Variants in PDE11A observed in about 807,000 individuals in gnomAD.
The protein encoded by PDE11A is phosphodiesterase 11A.
Under a neutral mutation model 100.5 loss-of-function variants are expected in PDE11A, and 100 were observed. The ratio of observed to expected loss-of-function variants is 1.00; its 90% confidence interval spans 0.85 to 1.18. PDE11A has a LOEUF of 1.18. PDE11A is among the 50% of genes most tolerant of loss of function. PDE11A has a pLI of 0.00. For synonymous variants in PDE11A, 381 were observed against 420.8 expected, an observed-to-expected ratio of 0.91 and a Z score of 1.16; for missense variants, 1,141 against 1,152.6, an observed-to-expected ratio of 0.99 and a Z score of 0.15.
intron 10 of PDE11A, among the ~76,000 whole-genome samples, chr2:177,756,185 G>C (rs759006274): frequency 6.6e-5 from 10 of 152,102 alleles, no homozygotes; most frequent in Non-Finnish European, 1.3e-4. Context: ...GGTCAGACAG[G>C]GCCACTGCTA....
intron 9 of PDE11A, among the ~76,000 whole-genome samples, chr2:177,780,150 G>T (rs1248671038): frequency 6.6e-6 from 1 of 152,120 alleles, no homozygotes; most frequent in East Asian, 1.9e-4. Context: ...TCAATGGGAG[G>T]CCTAAAACAT....
Position 177,840,241 on chromosome 2 carries a change from C to G in PDE11A, c.1500+10G>C. 6.2e-7 allele frequency: 1 copy of G among 1,613,830 alleles called. No individual in the cohort carries two copies. The highest frequency in any genetic ancestry group is 1.7e-5 in the Admixed American group (1 of 60,030). ...AAACTTAGGATTGCAACCAGAGGGG[C>G]TCCTCTTACCTCTGCATCAAAGCGC... On this transcript the variant is annotated intron_variant, in intron 6 of 19. Coordinates refer to ENST00000286063, the MANE Select transcript of PDE11A (RefSeq NM_016953.4).
intron 13 of PDE11A, among the ~76,000 whole-genome samples, chr2:177,709,837 G>A (rs1390689335): frequency 6.6e-6 from 1 of 152,134 alleles, no homozygotes; most frequent in African/African-American, 2.4e-5. Flanking sequence ...ACAACGAAAA[G>A]GTCCGACAGC....
chr2:177,825,443 C>T (rs2083213269), intron 6 of PDE11A, among the ~76,000 whole-genome samples: 2 of 152,106 alleles, frequency 1.3e-5, no homozygotes, highest in African/African-American at 4.8e-5. Flanking sequence ...GTGAATTTTT[C>T]CATTTTAAAA....
intron 9 of PDE11A, among the ~76,000 whole-genome samples, chr2:177,801,136 CAG>C (rs2082787604): frequency 6.6e-6 from 1 of 152,132 alleles, no homozygotes; most frequent in Non-Finnish European, 1.5e-5. Context: ...ATAAAACAAA[CAG>C]AAGAATGAGT....
At chr2:178,011,753 G>A (rs2086276624) in intron 2 of PDE11A, among the ~76,000 whole-genome samples, 1 of 152,066 alleles carries the variant, frequency 6.6e-6, no homozygotes, top group South Asian at 2.1e-4. Context: ...TCTTTCCCCG[G>A]ATTCTCTCAT....
chr2:177,631,316 A>T (rs1263316688), intron 19 of PDE11A, among the ~76,000 whole-genome samples: 1 of 45,860 alleles, frequency 2.2e-5, no homozygotes. Flanking sequence ...AAAAACAAAA[A>T]AAAAAACAAC....
At chr2:178,059,618 G>A (rs1430519050) in intron 1 of PDE11A, among the ~76,000 whole-genome samples, 1 of 152,110 alleles carries the variant, frequency 6.6e-6, no homozygotes, top group Non-Finnish European at 1.5e-5. Flanking sequence ...GAGCTTAGAG[G>A]CAACAATCTC....
chr2:177,793,229 A>C lies in PDE11A; in HGVS notation c.1737+23600T>G, dbSNP rs148890636. ...ATCCAGGGTTTCAGGCAAGAGGCTG[A>C]CATTGTCTCATTAGTTTTCCAGTCA... On this transcript the variant is annotated intron_variant, in intron 9 of 19. Transcript: ENST00000286063. Among the ~76,000 whole-genome samples, 23 of 152,290 alleles carry C rather than the reference A, an allele frequency of 1.5e-4. No homozygotes were observed. In the East Asian group the frequency reaches 3.5e-3, roughly 23 times the overall value.
chr2:177,890,704 C>T (rs1469694367), intron 4 of PDE11A, among the ~76,000 whole-genome samples: 1 of 152,126 alleles, frequency 6.6e-6, no homozygotes, highest in Non-Finnish European at 1.5e-5. Flanking sequence ...TAAGTTTGTT[C>T]TCTTGCTAAG....
At chr2:178,017,926 C>T (rs145177821) in intron 1 of PDE11A, 139 of 153,578 alleles carry the variant, frequency 9.1e-4, no homozygotes, top group African/African-American at 3.1e-3. Context: ...CGCCACTTCA[C>T]TCCAGCCTGG....
At chr2:178,090,410 A>C (rs1469052686) in intron 2 of PDE11A, among the ~76,000 whole-genome samples, 6 of 152,194 alleles carry the variant, frequency 3.9e-5, no homozygotes, top group African/African-American at 7.2e-5. Flanking sequence ...AACACTGAAC[A>C]CATTATTTTT....
At chr2:177,946,614 C>T (rs1313193428) in intron 2 of PDE11A, among the ~76,000 whole-genome samples, 11 of 96,608 alleles carry the variant, frequency 1.1e-4, no homozygotes, top group Non-Finnish European at 2.2e-4. Flanking sequence ...GCCCGGCCAG[C>T]CGCCCCGTCC....
rs57136586 is a variant in PDE11A at position 178,001,275 on chromosome 2, AGTGT to A, written c.1071+13023_1071+13026del. On this transcript the variant is annotated intron_variant, in intron 2 of 19. Coordinates refer to ENST00000286063, the MANE Select transcript of PDE11A (RefSeq NM_016953.4). ...CATTCCTTAGCAAAGACAATGTGAA[AGTGT>A]GTGTGTGTGTGTGTGTGTGTGTGTG... is the stretch of plus-strand genomic sequence containing the variant. 9.9e-3 allele frequency among the ~76,000 whole-genome samples: 1,391 copies of A among 140,738 alleles called. 16 individuals carry two copies. The highest frequency in any genetic ancestry group is 0.063 in the East Asian group (312 of 4,916). 92.3% of individuals were successfully genotyped at this position (140,738 alleles called of 152,430 possible).
chr2:177,637,225 C>T (rs908341735), intron 19 of PDE11A, among the ~76,000 whole-genome samples: 1 of 152,196 alleles, frequency 6.6e-6, no homozygotes, highest in Non-Finnish European at 1.5e-5. Context: ...AGGTTAAGTG[C>T]CTTGTCCATG....
intron 2 of PDE11A, among the ~76,000 whole-genome samples, chr2:178,088,971 A>C (rs1316861326): frequency 6.6e-6 from 1 of 152,202 alleles, no homozygotes; most frequent in Non-Finnish European, 1.5e-5. Context: ...GGGTACACCT[A>C]ATTTAGATGG....
intron 15 of PDE11A, among the ~76,000 whole-genome samples, chr2:177,682,647 A>G (rs931739469): frequency 1.3e-5 from 2 of 152,242 alleles, no homozygotes; most frequent in African/African-American, 4.8e-5. Flanking sequence ...CTAATGAGAG[A>G]ATATTTAAGA....
intron 1 of PDE11A, among the ~76,000 whole-genome samples, chr2:178,068,581 C>G (rs2087081435): frequency 6.6e-6 from 1 of 151,818 alleles, no homozygotes; most frequent in Non-Finnish European, 1.5e-5. Context: ...CAAGAAACAC[C>G]TTAAAAATAT....
intron 2 of PDE11A, among the ~76,000 whole-genome samples, chr2:178,099,937 T>G (rs1045638360): frequency 2.0e-5 from 3 of 152,176 alleles, no homozygotes; most frequent in African/African-American, 7.2e-5. Context: ...TTTAAAAAGA[T>G]AGAAATTTCA....
Sources: allele counts gnomAD v4.1 joint callset (sites outside exome capture counted in the v4.1 genomes callset), GRCh38; gene constraint gnomAD v4.1.1; transcripts MANE v1.5; gene names NCBI Gene and HGNC (gene_info 2026-07-23, HGNC 2026-07-21).